Variants in PCM1 observed in about 807,000 individuals in gnomAD.
The protein encoded by PCM1 is pericentriolar material 1 protein.
A neutral mutation model predicts 241.9 loss-of-function variants in PCM1; 157 were observed. The ratio of observed to expected loss-of-function variants is 0.65; its 90% CI spans 0.57 to 0.74. PCM1 has a LOEUF of 0.74. PCM1 is among the 30% of genes least tolerant of loss of function. The pLI is 0.00. For synonymous variants in PCM1, 1,085 were observed against 784.9 expected (o/e 1.38, Z -6.39); for missense variants, 3,478 against 2,360.1 (o/e 1.47, Z -9.81).
rs1239536246 is a variant in PCM1 at position 18,029,818 on chromosome 8, A to G, written c.*2156A>G. The G allele has an allele frequency of 5.1e-6, 1 of 196,770 alleles. No homozygotes were observed. Among genetic ancestry groups the G allele is most frequent in the African/African-American group, 2.3e-5 (1 of 43,346 alleles). The allele number at this position is 196,770 out of a possible 1,614,324, so 12.2% of individuals were successfully genotyped here. A position where few individuals can be genotyped will look rare whatever the true frequency, so the allele number is the denominator to read the frequency against. On this transcript the variant is annotated 3_prime_UTR_variant, in exon 39 of 39. Coordinates refer to ENST00000325083, the MANE Select transcript of PCM1 (RefSeq NM_006197.4). ...GAAAAGTTCAAAATGAGTGAGAGAG[A>G]ACTTTATGCAGGTTGAGATAATGCC...
In PCM1 at chr8:17,966,379, C is replaced by T. The variant is rs200549540; in HGVS notation, c.3127C>T (p.Pro1043Ser). Reference sequence around the variant, plus strand: ...TCTCACGGGTCCTTACAGTGTTATGCCCAGCAATGTTGCATCTCCTCAAGT... The same window carrying T: ...TCTCACGGGTCCTTACAGTGTTATGTCCAGCAATGTTGCATCTCCTCAAGT... ...TLLTGPYSVM[P>S]SNVASPQVHF... Residue 1043 changes from proline to serine, a missense_variant, in exon 20 of 39, where the codon CCC becomes TCC. Physicochemically the swap from Pro to Ser is moderately conservative, Grantham distance 74. Transcript: ENST00000325083. 1 of 1,613,364 alleles carries T rather than the reference C, an allele frequency of 6.2e-7. No homozygotes were observed. Among genetic ancestry groups the T allele is most frequent in the East Asian group, 2.2e-5 (1 of 44,858 alleles).
chr8:18,024,335 C>T (rs561381080), intron 36 of PCM1, among the ~76,000 whole-genome samples: 1 of 152,222 alleles, frequency 6.6e-6, no homozygotes, highest in East Asian at 1.9e-4. Context: ...CTGCTGCATT[C>T]CAGTCTGGGC....
intron 23 of PCM1, among the ~76,000 whole-genome samples, chr8:17,974,426 A>C (rs1029652769): frequency 6.6e-6 from 1 of 152,226 alleles, no homozygotes; most frequent in Non-Finnish European, 1.5e-5. Flanking sequence ...TGATAGGGCA[A>C]TACTTCATAA....
rs550672840 is a variant in PCM1, at chr8:17,948,294, CTTTTTTTTTTTTT to C, written c.961+946_961+958del. On this transcript the variant is annotated intron_variant, in intron 7 of 38. Coordinates refer to ENST00000325083, the MANE Select transcript of PCM1 (RefSeq NM_006197.4). ...GAACGTTATGACTTTCAAATAACCT[CTTTTTTTTTTTTT>C]TTTTTTTTTTTTTTGGAGACAGAGT... 1.1e-3 allele frequency among the ~76,000 whole-genome samples: 71 copies of C among 64,010 alleles called. No homozygotes were observed. The Middle Eastern group carries it at 0.069, about 63-fold the overall frequency. 42.0% of individuals were successfully genotyped at this position (64,010 alleles called of 152,430 possible).
intron 28 of PCM1, among the ~76,000 whole-genome samples, chr8:17,992,051 A>G (rs1413482598): frequency 6.6e-6 from 1 of 152,176 alleles, no homozygotes; most frequent in African/African-American, 2.4e-5. Flanking sequence ...TTTTATGGCT[A>G]AGTAGTATGC....
chr8:17,965,408 C>T (rs889036478), intron 18 of PCM1, among the ~76,000 whole-genome samples: 1 of 152,106 alleles, frequency 6.6e-6, no homozygotes, highest in Non-Finnish European at 1.5e-5. Flanking sequence ...TTGGGAGATT[C>T]CAAGGGTTTT....
At position 18,027,547 on chromosome 8, in the gene PCM1, T is replaced by A; in HGVS notation, c.6050-90T>A. The A allele has an allele frequency of 9.5e-6, 8 of 843,122 alleles. 1 individual carries two copies. In the South Asian group the frequency reaches 1.7e-4, roughly 18 times the overall value. The allele number at this position is 843,122 out of a possible 1,614,324, so 52.2% of individuals were successfully genotyped here. On this transcript the variant is annotated intron_variant, in intron 38 of 38. Transcript: ENST00000325083. ...GGATTTCTTTTATAATAACGTTATATTAAAAGTAAAAGCTTTAATGACAGA... is the reference window on the plus strand; with the variant it reads ...GGATTTCTTTTATAATAACGTTATAATAAAAGTAAAAGCTTTAATGACAGA...
chr8:18,014,445 G>C, intron 35 of PCM1, 139 bp from the exon 36 acceptor site: 4 of 606,794 alleles, frequency 6.6e-6, no homozygotes, highest in Non-Finnish European at 1.0e-5. Context: ...CATTGATAAG[G>C]AAAATTTGTA....
chr8:18,005,416 G>C (rs1237591421), intron 29 of PCM1, among the ~76,000 whole-genome samples: 2 of 148,928 alleles, frequency 1.3e-5, no homozygotes, highest in African/African-American at 4.9e-5. Flanking sequence ...ATGAGCTTAA[G>C]TCTGAGAGGG....
intron 36 of PCM1, among the ~76,000 whole-genome samples, chr8:18,018,850 GTGTATATATATATATATA>G (rs1321121276): frequency 2.5e-5 from 1 of 39,382 alleles, no homozygotes; most frequent in South Asian, 5.9e-4. Flanking sequence ...GTGTGTGTGT[GTGTATATATATATATATA>G]TATATATATA....
intron 9 of PCM1, among the ~76,000 whole-genome samples, chr8:17,954,695 C>A (rs1253167749): frequency 6.6e-6 from 1 of 152,074 alleles, no homozygotes; most frequent in African/African-American, 2.4e-5. Flanking sequence ...GAGAAAGATA[C>A]TGGTAAATGA....
At chr8:18,027,500 A>G (rs918730709) in intron 38 of PCM1, 137 bp from the exon 39 acceptor site, 2 of 544,562 alleles carry the variant, frequency 3.7e-6, no homozygotes, top group Non-Finnish European at 6.5e-6. Flanking sequence ...CTATTAGGGA[A>G]TTGTATTAGC....
chr8:17,959,136 C>T (rs115754941), intron 13 of PCM1, among the ~76,000 whole-genome samples: 73 of 152,058 alleles, frequency 4.8e-4, no homozygotes, highest in African/African-American at 1.7e-3. Flanking sequence ...AAATACATGA[C>T]GTTTTGTGGT....
intron 6 of PCM1, among the ~76,000 whole-genome samples, chr8:17,946,153 A>C (rs1031121451): frequency 6.6e-6 from 1 of 152,104 alleles, no homozygotes; most frequent in Non-Finnish European, 1.5e-5. Context: ...CATTTTTTGT[A>C]AGTGCCACTT....
chr8:17,945,008 T>C (rs1013497025), intron 6 of PCM1, among the ~76,000 whole-genome samples: 1 of 152,132 alleles, frequency 6.6e-6, no homozygotes, highest in African/African-American at 2.4e-5. Flanking sequence ...TAATTATAAT[T>C]TATGCTTTGC....
At chr8:17,991,745 T>G (rs1340015346) in intron 28 of PCM1, 45 bp downstream of exon 28, 1 of 1,400,266 alleles carries the variant, frequency 7.1e-7, no homozygotes, top group Non-Finnish European at 9.8e-7. Flanking sequence ...ACAGGTGGTG[T>G]TTGGTTACAT....
intron 22 of PCM1, among the ~76,000 whole-genome samples, chr8:17,971,698 T>G (rs1299129706): frequency 6.6e-6 from 1 of 152,238 alleles, no homozygotes; most frequent in Non-Finnish European, 1.5e-5. Context: ...GAGCCATTCT[T>G]CCAACTTTTG....
intron 13 of PCM1, among the ~76,000 whole-genome samples, chr8:17,959,660 C>G (rs944065950): frequency 4.6e-5 from 7 of 151,916 alleles, no homozygotes; most frequent in Admixed American, 6.6e-5. Context: ...TCATATTTTT[C>G]TATATGTATT....
In PCM1 at chr8:18,014,323, C is replaced by T. The variant is rs571347698; in HGVS notation, c.5585-261C>T. The stretch of plus-strand genomic sequence containing the variant: ...ATAATGGTAGATTTAAAAAAAAAAT[C>T]TATTTGTAGGCCTTATTACTGAAAG... On this transcript the variant is annotated intron_variant, in intron 35 of 38. Coordinates refer to ENST00000325083, the MANE Select transcript of PCM1 (RefSeq NM_006197.4). 5.9e-5 allele frequency among the ~76,000 whole-genome samples: 9 copies of T among 151,414 alleles called. No homozygotes were observed. The East Asian group carries it at 1.5e-3, about 26-fold the overall frequency.
Sources: gnomAD v4.1 joint callset for allele counts (sites outside exome capture counted in the v4.1 genomes callset) on GRCh38, gnomAD v4.1.1 for gene constraint, MANE v1.5 for transcripts, NCBI Gene and HGNC (gene_info 2026-07-23, HGNC 2026-07-21) for gene names.